Variants in PACRG observed in about 807,000 individuals in gnomAD.
PACRG encodes parkin coregulated.
PACRG carries 29 observed loss-of-function variants against 29.7 expected under a neutral mutation model. That is an observed-to-expected ratio of 0.98 (90% CI 0.73 to 1.33). The LOEUF (loss-of-function observed/expected upper bound fraction) is 1.33. Ranked by LOEUF, PACRG falls within the 40% of genes most tolerant of loss-of-function variation. The pLI, the probability that PACRG is intolerant of heterozygous loss-of-function variation, is 0.00. For missense variants in PACRG, 279 were observed against 316.2 expected (o/e 0.88, Z 0.89); for synonymous variants, 116 against 118.7 (o/e 0.98, Z 0.15).
chr6:163,239,873 T>TACAC (rs34223091), intron 4 of PACRG, among the ~76,000 whole-genome samples: 13 of 117,630 alleles, frequency 1.1e-4, no homozygotes, highest in African/African-American at 4.5e-4. Context: ...CACCCCGACA[T>TACAC]ACACACACTC....
At chr6:162,791,680 T>A (rs1410838488) in intron 1 of PACRG, among the ~76,000 whole-genome samples, 1 of 152,190 alleles carries the variant, frequency 6.6e-6, no homozygotes, top group Non-Finnish European at 1.5e-5. Context: ...CGCTTTTGCT[T>A]CATATCTAGA....
At chr6:163,156,727 C>G (rs1420685318) in intron 4 of PACRG, among the ~76,000 whole-genome samples, 3 of 152,210 alleles carry the variant, frequency 2.0e-5, no homozygotes, top group Non-Finnish European at 4.4e-5. Context: ...AGAACCGTGT[C>G]CCCTCCTGGG....
At chr6:163,218,582 C>A (rs939582192) in intron 4 of PACRG, among the ~76,000 whole-genome samples, 21 of 152,176 alleles carry the variant, frequency 1.4e-4, no homozygotes, top group African/African-American at 5.1e-4. Context: ...GGGCCCCTGG[C>A]AGCCTTGGTG....
chr6:162,747,677 T>C (rs991148800), intron 1 of PACRG, among the ~76,000 whole-genome samples: 3 of 150,912 alleles, frequency 2.0e-5, no homozygotes, highest in East Asian at 2.0e-4. Flanking sequence ...ATCAACCAGA[T>C]TGAGCGAGCC....
intron 4 of PACRG, among the ~76,000 whole-genome samples, chr6:163,305,434 G>A (rs186920599): frequency 3.7e-4 from 56 of 152,242 alleles, no homozygotes; most frequent in African/African-American, 9.9e-4. Context: ...CCAGGCGTCC[G>A]TCCACTAAGT....
At chr6:162,784,790 GA>G (rs1234042568) in intron 1 of PACRG, among the ~76,000 whole-genome samples, 4 of 152,290 alleles carry the variant, frequency 2.6e-5, no homozygotes, top group Non-Finnish European at 5.9e-5. Context: ...AGCAATACTT[GA>G]AAAGGCTCAG....
At chr6:162,969,046 CAAAA>C (rs35665491) in intron 2 of PACRG, among the ~76,000 whole-genome samples, 3 of 72,830 alleles carry the variant, frequency 4.1e-5, no homozygotes, top group African/African-American at 1.2e-4. Flanking sequence ...GACTCTATCA[CAAAA>C]AAAAAAAAAA....
At position 162,994,474 on chromosome 6, in the gene PACRG, C is replaced by T. The variant is rs1362120060; in HGVS notation, c.292-67676C>T. 4.0e-5 allele frequency among the ~76,000 whole-genome samples: 6 copies of T among 151,028 alleles called. No individual in the cohort carries two copies. In the East Asian group the frequency reaches 9.9e-4, roughly 25 times the overall value. The stretch of plus-strand genomic sequence containing the variant: ...TCTTTTTTCTCTAACCTTCCCTTCT[C>T]GCTTCATTTCATTCATTTCATCTTC... On this transcript the variant is annotated intron_variant, in intron 2 of 4. Coordinates refer to ENST00000366888, the MANE Select transcript of PACRG (RefSeq NM_001080379.2).
At chr6:162,787,804 A>G (rs1276571150) in intron 1 of PACRG, among the ~76,000 whole-genome samples, 1 of 146,352 alleles carries the variant, frequency 6.8e-6, no homozygotes, top group Non-Finnish European at 1.5e-5. Flanking sequence ...GTGGGGAGAC[A>G]TAAGAATGCC....
chr6:162,757,186 G>A (rs1367976126), intron 1 of PACRG, among the ~76,000 whole-genome samples: 2 of 152,056 alleles, frequency 1.3e-5, no homozygotes, highest in African/African-American at 4.8e-5. Flanking sequence ...TTAACTAGGT[G>A]TTAACTGTTG....
intron 2 of PACRG, among the ~76,000 whole-genome samples, chr6:163,029,132 G>C (rs1253368359): frequency 1.3e-5 from 2 of 152,170 alleles, no homozygotes; most frequent in Non-Finnish European, 2.9e-5. Context: ...TTTGTAGATG[G>C]AGCAAGGGGA....
intron 2 of PACRG, among the ~76,000 whole-genome samples, chr6:162,896,170 T>C (rs1369394046): frequency 6.6e-6 from 1 of 152,208 alleles, no homozygotes; most frequent in African/African-American, 2.4e-5. Flanking sequence ...CATGTGTTCT[T>C]GTAAAATTCA....
At chr6:163,132,137 G>C (rs1388538388) in intron 4 of PACRG, among the ~76,000 whole-genome samples, 16 of 152,006 alleles carry the variant, frequency 1.1e-4, no homozygotes, top group Non-Finnish European at 2.1e-4. Context: ...AAATATCTGT[G>C]GATCTGAAAA....
chr6:163,117,202 A>G lies in PACRG; in HGVS notation c.613+27794A>G, dbSNP rs533400371. Among the ~76,000 whole-genome samples the G allele has an allele frequency of 4.9e-4, 75 of 152,310 alleles. 3 individuals carry two copies. Among genetic ancestry groups the G allele is most frequent in the Admixed American group, 4.6e-4 (7 of 15,306 alleles). Reference sequence around the variant, plus strand: ...GGTCCCTGCAAACCATCTAGGAAAGAGCATCACAGTGGAACTCCCAGTCAC... The same window carrying G: ...GGTCCCTGCAAACCATCTAGGAAAGGGCATCACAGTGGAACTCCCAGTCAC... On this transcript the variant is annotated intron_variant, in intron 4 of 4. Coordinates refer to ENST00000366888, the MANE Select transcript of PACRG (RefSeq NM_001080379.2).
rs539043954 is a variant in PACRG, at chr6:163,249,900, G to A, written c.614-64927G>A. Among the ~76,000 whole-genome samples, 4 of 152,282 alleles carry A rather than the reference G, an allele frequency of 2.6e-5. 1 individual carries two copies. Among genetic ancestry groups the A allele is most frequent in the South Asian group, 4.1e-4 (2 of 4,822 alleles). ...CCTTTGTTCTCAAAAGGGAAGTGACGCCAGCTGGCCAGTCTGAGGCTAAGT... is the reference window on the plus strand; with the variant it reads ...CCTTTGTTCTCAAAAGGGAAGTGACACCAGCTGGCCAGTCTGAGGCTAAGT... On this transcript the variant is annotated intron_variant, in intron 4 of 4. Coordinates refer to ENST00000366888, the MANE Select transcript of PACRG (RefSeq NM_001080379.2).
At chr6:163,079,458 G>A (rs998861739) in intron 3 of PACRG, among the ~76,000 whole-genome samples, 2 of 151,142 alleles carry the variant, frequency 1.3e-5, no homozygotes, top group African/African-American at 4.9e-5. Flanking sequence ...AACCATTCCT[G>A]TATCCTCCCT....
At chr6:162,996,204 G>C (rs548323933) in intron 2 of PACRG, among the ~76,000 whole-genome samples, 1 of 152,086 alleles carries the variant, frequency 6.6e-6, no homozygotes, top group Non-Finnish European at 1.5e-5. Context: ...TGTTTATTAG[G>C]TTGATTGTGG....
chr6:163,221,568 A>T (rs1781581889), intron 4 of PACRG, among the ~76,000 whole-genome samples: 1 of 152,278 alleles, frequency 6.6e-6, no homozygotes, highest in Admixed American at 6.5e-5. Flanking sequence ...CTTCCGCCTG[A>T]TTATCAGAAA....
intron 4 of PACRG, among the ~76,000 whole-genome samples, chr6:163,251,100 G>A (rs569583061): frequency 5.1e-4 from 78 of 151,910 alleles, no homozygotes; most frequent in Non-Finnish European, 1.0e-3. Context: ...TGGACTCTGG[G>A]AGCTTAGGGG....
Sources: gnomAD v4.1 joint callset for allele counts (sites outside exome capture counted in the v4.1 genomes callset) on GRCh38, gnomAD v4.1.1 for gene constraint, MANE v1.5 for transcripts, NCBI Gene and HGNC (gene_info 2026-07-23, HGNC 2026-07-21) for gene names.